The following NFIA variants were observed in gnomAD, a reference collection of about 807,000 sequenced individuals.
NFIA encodes nuclear factor I A, also known as nuclear factor 1 A-type.
In NFIA, 8 loss-of-function variants were observed where a neutral mutation model predicts 62.8. The observed-to-expected ratio is 0.13, with a 90% CI of 0.07 to 0.23. NFIA has a LOEUF of 0.23. Among genes scored for constraint, NFIA ranks in the 10% least tolerant of loss-of-function variants. NFIA has a pLI of 1.00. For missense variants in NFIA, 410 were observed against 642.1 expected (o/e 0.64, Z 3.91); for synonymous variants, 235 against 238.1 (o/e 0.99, Z 0.12).
intron 4 of NFIA, among the ~76,000 whole-genome samples, chr1:61,349,396 G>A (rs772923858): frequency 5.5e-4 from 83 of 152,082 alleles, no homozygotes; most frequent in Non-Finnish European, 2.1e-4. Flanking sequence ...AAATAACTAA[G>A]TATTTATTCT....
chr1:61,216,373 A>C (rs1653625471), intron 2 of NFIA, among the ~76,000 whole-genome samples: 1 of 152,108 alleles, frequency 6.6e-6, no homozygotes, highest in South Asian at 2.1e-4. Context: ...TAAAAAAAAA[A>C]CATGAAGAAT....
At chr1:61,441,862 A>G (rs912850167) in intron 10 of NFIA, among the ~76,000 whole-genome samples, 1 of 152,030 alleles carries the variant, frequency 6.6e-6, no homozygotes, top group Non-Finnish European at 1.5e-5. Flanking sequence ...TGAAGTCTGA[A>G]GATGTACCAA....
chr1:61,180,120 C>G (rs933237646), intron 2 of NFIA, among the ~76,000 whole-genome samples: 1 of 152,108 alleles, frequency 6.6e-6, no homozygotes, highest in Non-Finnish European at 1.5e-5. Context: ...CAGGTGGATG[C>G]CCCTGATTGT....
chr1:61,227,744 G>A (rs1006704427), intron 2 of NFIA, among the ~76,000 whole-genome samples: 2 of 152,144 alleles, frequency 1.3e-5, no homozygotes, highest in African/African-American at 2.4e-5. Context: ...GGTAGATGAA[G>A]TAACCAGTAA....
At chr1:61,113,443 A>G (rs1376972098) in intron 2 of NFIA, among the ~76,000 whole-genome samples, 1 of 151,894 alleles carries the variant, frequency 6.6e-6, no homozygotes, top group Non-Finnish European at 1.5e-5. Flanking sequence ...AAATACAAAA[A>G]AATTACTAGG....
intron 7 of NFIA, among the ~76,000 whole-genome samples, chr1:61,394,627 A>C (rs958706202): frequency 2.0e-5 from 3 of 152,242 alleles, no homozygotes; most frequent in Non-Finnish European, 4.4e-5. Flanking sequence ...TAAGGAATAT[A>C]GGAGGCTGGC....
intron 10 of NFIA, among the ~76,000 whole-genome samples, chr1:61,445,450 A>G (rs939479479): frequency 1.3e-5 from 2 of 152,218 alleles, no homozygotes; most frequent in African/African-American, 4.8e-5. Flanking sequence ...TCTGAACATA[A>G]AAAGCATTTG....
rs1570612273 is a variant in NFIA at position 61,344,686 on chromosome 1, G to C, written c.701-7764G>C. Among the ~76,000 whole-genome samples the C allele has an allele frequency of 2.6e-5, 4 of 152,162 alleles. No individual in the cohort carries two copies. In the East Asian group the frequency reaches 7.7e-4, roughly 29 times the overall value. On this transcript the variant is annotated intron_variant, in intron 4 of 10. Coordinates refer to ENST00000403491, the MANE Select transcript of NFIA (RefSeq NM_001134673.4). The stretch of plus-strand genomic sequence containing the variant: ...CTAAAAGTGCTCCATAAATATTGTT[G>C]AATTCCATTGAATACAGCCTCTCTG...
At chr1:61,381,178 T>A (rs1276620943) in intron 6 of NFIA, among the ~76,000 whole-genome samples, 1 of 152,126 alleles carries the variant, frequency 6.6e-6, no homozygotes, top group Non-Finnish European at 1.5e-5. Flanking sequence ...TTTTATGACA[T>A]GTAGTTCAGG....
At chr1:61,089,685 G>A (rs537691616) in intron 2 of NFIA, among the ~76,000 whole-genome samples, 2 of 118,186 alleles carry the variant, frequency 1.7e-5, no homozygotes, top group Admixed American at 1.7e-4. Context: ...AATATTTAAC[G>A]TTTTTTTTTC....
At chr1:61,355,273 TAGAA>T (rs1215390007) in intron 5 of NFIA, among the ~76,000 whole-genome samples, 7 of 152,054 alleles carry the variant, frequency 4.6e-5, no homozygotes, top group Non-Finnish European at 8.8e-5. Flanking sequence ...ATGAGTGTGT[TAGAA>T]AGAGCAAGAA....
chr1:61,166,024 T>C (rs1354769867), intron 2 of NFIA, among the ~76,000 whole-genome samples: 3 of 152,188 alleles, frequency 2.0e-5, no homozygotes, highest in African/African-American at 4.8e-5. Flanking sequence ...GGTATATAGA[T>C]ATGAGAACCA....
intron 3 of NFIA, among the ~76,000 whole-genome samples, chr1:61,330,193 C>A (rs1421509356): frequency 6.6e-6 from 1 of 152,068 alleles, no homozygotes; most frequent in Non-Finnish European, 1.5e-5. Flanking sequence ...CCAACAAATA[C>A]TTAGATTTAT....
intron 10 of NFIA, among the ~76,000 whole-genome samples, chr1:61,427,490 T>G (rs1287533979): frequency 6.6e-6 from 1 of 152,232 alleles, no homozygotes; most frequent in Non-Finnish European, 1.5e-5. Flanking sequence ...TTTGTGCACA[T>G]GCCTGTGTGT....
At chr1:61,407,090 G>A (rs531008553) in intron 9 of NFIA, among the ~76,000 whole-genome samples, 30 of 152,212 alleles carry the variant, frequency 2.0e-4, no homozygotes, top group Non-Finnish European at 7.3e-5. Flanking sequence ...CTTACAGACA[G>A]CCCTGCCTTC....
intron 7 of NFIA, among the ~76,000 whole-genome samples, chr1:61,384,037 CAA>C (rs1664560799): frequency 6.6e-6 from 1 of 152,128 alleles, no homozygotes; most frequent in Non-Finnish European, 1.5e-5. Context: ...CCTTAAGCCT[CAA>C]GAGAATGTCA....
intron 4 of NFIA, among the ~76,000 whole-genome samples, chr1:61,338,289 G>A (rs1356725357): frequency 6.6e-6 from 1 of 152,226 alleles, no homozygotes; most frequent in Non-Finnish European, 1.5e-5. Flanking sequence ...TCCTGGCTCT[G>A]CCACAAAGCT....
At chr1:61,120,868 A>G (rs544482584) in intron 2 of NFIA, among the ~76,000 whole-genome samples, 1 of 152,312 alleles carries the variant, frequency 6.6e-6, no homozygotes, top group South Asian at 2.1e-4. Flanking sequence ...CAAGTTTACA[A>G]TTTCTCACTT....
intron 2 of NFIA, among the ~76,000 whole-genome samples, chr1:61,227,847 C>T (rs917344098): frequency 1.3e-5 from 2 of 152,256 alleles, no homozygotes; most frequent in African/African-American, 4.8e-5. Context: ...GTTTCAGATT[C>T]ATTATCTCAG....
Sources: gnomAD v4.1 joint callset for allele counts (sites outside exome capture counted in the v4.1 genomes callset) on GRCh38, gnomAD v4.1.1 for gene constraint, MANE v1.5 for transcripts, NCBI Gene and HGNC (gene_info 2026-07-23, HGNC 2026-07-21) for gene names.